AP1S1: variants seen among roughly 807,000 people sequenced by gnomAD.
AP1S1 encodes adaptor related protein complex 1 subunit sigma 1, also known as AP-1 complex subunit sigma-1A.
Under a neutral mutation model 23.9 loss-of-function variants are expected in AP1S1, and 13 were observed. That is an observed-to-expected ratio of 0.54 (90% CI 0.35 to 0.86). The LOEUF (loss-of-function observed/expected upper bound fraction) is 0.86, where lower values mean the gene tolerates loss of function less well. Among genes scored for constraint, AP1S1 ranks in the 40% least tolerant of loss-of-function variants. The probability of loss-of-function intolerance (pLI) is 0.01; values close to 1 mark genes in which losing one functional copy is unlikely to be tolerated. For synonymous variants in AP1S1, 84 were observed against 77.7 expected (o/e 1.08, Z -0.43); for missense variants, 119 against 197.6 (o/e 0.60, Z 2.38).
At chr7:101,157,570 C>A in intron 3 of AP1S1, 85 bp downstream of exon 3, 2 of 1,082,758 alleles carry the variant, frequency 1.8e-6, no homozygotes, top group Non-Finnish European at 2.8e-6. Flanking sequence ...CAGTCTCTGC[C>A]CTGGAAGTTT....
Position 101,160,530 on chromosome 7 carries a change from G to T in AP1S1, c.441G>T (p.Ser147=). The change falls in exon 5 of 5, where the codon TCG becomes TCT. Residue 147 remains serine, a synonymous_variant. Coordinates refer to ENST00000337619, the MANE Select transcript of AP1S1 (RefSeq NM_001283.5). ...TGTCTCTGCCTTAGGAGGATGAGTC[G>T]CCACGGAGTGTGCTGGAGGAGATGG... is the stretch of plus-strand genomic sequence containing the variant. ...QADLLQEEDE[S]PRSVLEEMGL... 6.2e-7 allele frequency: 1 copy of T among 1,611,920 alleles called. No individual in the cohort carries two copies. The highest frequency in any genetic ancestry group is 8.5e-7 in the Non-Finnish European group (1 of 1,179,860).
chr7:101,155,254 T>A (rs934597310), intron 1 of AP1S1, among the ~76,000 whole-genome samples: 2 of 152,136 alleles, frequency 1.3e-5, no homozygotes, highest in African/African-American at 4.8e-5. Flanking sequence ...GATTTTTCAC[T>A]TACTAAGCTA....
chr7:101,154,974 A>G, intron 1 of AP1S1: 1 of 1,015,566 alleles, frequency 9.8e-7, no homozygotes, highest in Non-Finnish European at 1.2e-6. Context: ...TCCGGGTCGG[A>G]AAAGGGAGCG....
chr7:101,156,151 G>C (rs768730324), intron 1 of AP1S1, among the ~76,000 whole-genome samples: 15 of 152,190 alleles, frequency 9.9e-5, no homozygotes, highest in Non-Finnish European at 5.9e-5. Flanking sequence ...AGAATCGCTG[G>C]AACTTGGGAG....
intron 3 of AP1S1, among the ~76,000 whole-genome samples, chr7:101,158,639 C>T (rs1797033948): frequency 6.6e-6 from 1 of 152,218 alleles, no homozygotes; most frequent in Admixed American, 6.5e-5. Flanking sequence ...CGGTGGCTCA[C>T]GCCTGTGATC....
chr7:101,160,778 A>C lies in AP1S1; in HGVS notation c.*212A>C, dbSNP rs1036653459. ...CCCCTTTTCCCACTGAAGGTTTTAG[A>C]AGCTAGGAGGCAGGAAAATGTGACC... On this transcript the variant is annotated 3_prime_UTR_variant, in exon 5 of 5. Transcript: ENST00000337619. The C allele has an allele frequency of 1.4e-6, 1 of 725,540 alleles. No homozygotes were observed. The highest frequency in any genetic ancestry group is 1.7e-5 in the African/African-American group (1 of 57,358). 44.9% of individuals were successfully genotyped at this position (725,540 alleles called of 1,614,324 possible). A position where few individuals can be genotyped will look rare whatever the true frequency, so the allele number is the denominator to read the frequency against.
intron 1 of AP1S1, chr7:101,154,734 C>T: frequency 2.2e-5 from 1 of 44,902 alleles, no homozygotes; most frequent in Non-Finnish European, 3.6e-5. Context: ...GCAGGGCGAG[C>T]GGGGGCTGAC....
chr7:101,160,564 T>C lies in AP1S1; in HGVS notation c.475T>C (p.Ter159GlnextTer95). 6.2e-7 allele frequency: 1 copy of C among 1,611,570 alleles called. No homozygotes were observed. Among genetic ancestry groups the C allele is most frequent in the Non-Finnish European group, 8.5e-7 (1 of 1,179,836 alleles). Residue 159 changes from the stop codon to glutamine, a stop_lost, in exon 5 of 5, where the codon TAG becomes CAG. Coordinates refer to ENST00000337619, the MANE Select transcript of AP1S1 (RefSeq NM_001283.5). Reference protein sequence around the residue: ...RSVLEEMGLA* With the variant: ...RSVLEEMGLAQ Reference sequence around the variant, plus strand: ...TGTGCTGGAGGAGATGGGTTTGGCATAGCCCCTGCTGGGCCGGGGTGTGGC... The same window carrying C: ...TGTGCTGGAGGAGATGGGTTTGGCACAGCCCCTGCTGGGCCGGGGTGTGGC...
At chr7:101,156,962 C>T (rs1797002401) in intron 2 of AP1S1, among the ~76,000 whole-genome samples, 190 bp downstream of exon 2, 1 of 148,080 alleles carries the variant, frequency 6.8e-6, no homozygotes, top group Admixed American at 6.8e-5. Flanking sequence ...TCTTGTTTAC[C>T]ACTTGGTTTT....
chr7:101,159,976 ACCCTGGCGCG>A (rs1411139639), intron 4 of AP1S1, among the ~76,000 whole-genome samples: 2 of 127,254 alleles, frequency 1.6e-5, no homozygotes, highest in African/African-American at 3.3e-5. Flanking sequence ...ACACACACAC[ACCCTGGCGCG>A]CACACACACA....
chr7:101,160,459 GC>G (rs774288509), intron 4 of AP1S1, 59 bp from the exon 5 acceptor site: 1 of 1,587,016 alleles, frequency 6.3e-7, no homozygotes, highest in Non-Finnish European at 8.6e-7. Flanking sequence ...CTGCTGTCTT[GC>G]CCACCCTGTC....
chr7:101,155,362 C>G (rs529767484), intron 1 of AP1S1, among the ~76,000 whole-genome samples: 9 of 152,296 alleles, frequency 5.9e-5, no homozygotes, highest in Non-Finnish European at 1.0e-4. Flanking sequence ...GGCCCAGACC[C>G]CCCGGAACTG....
Position 101,157,807 on chromosome 7 carries a change from A to G in AP1S1, c.291+322A>G, listed in dbSNP as rs549003311. 3.3e-5 allele frequency among the ~76,000 whole-genome samples: 5 copies of G among 152,164 alleles called. No individual in the cohort carries two copies. In the South Asian group the frequency reaches 6.2e-4, roughly 19 times the overall value. On this transcript the variant is annotated intron_variant, in intron 3 of 4. Coordinates refer to ENST00000337619, the MANE Select transcript of AP1S1 (RefSeq NM_001283.5). ...TTTTTTAGAGACACAGTCTCACCCTATCACCTGGAGGAATGCCGCCTATGG... is the reference window on the plus strand; with the variant it reads ...TTTTTTAGAGACACAGTCTCACCCTGTCACCTGGAGGAATGCCGCCTATGG...
At chr7:101,155,826 C>G (rs1796983564) in intron 1 of AP1S1, among the ~76,000 whole-genome samples, 1 of 152,170 alleles carries the variant, frequency 6.6e-6, no homozygotes, top group Non-Finnish European at 1.5e-5. Flanking sequence ...TGGAAGAGAA[C>G]AGGCATTTCT....
chr7:101,155,442 C>A (rs1796978070), intron 1 of AP1S1, among the ~76,000 whole-genome samples: 1 of 152,156 alleles, frequency 6.6e-6, no homozygotes, highest in Non-Finnish European at 1.5e-5. Flanking sequence ...GCTGTCTGTT[C>A]TGCAGACATT....
At chr7:101,158,641 C>G (rs1047207198) in intron 3 of AP1S1, among the ~76,000 whole-genome samples, 1 of 152,252 alleles carries the variant, frequency 6.6e-6, no homozygotes, top group African/African-American at 2.4e-5. Context: ...GTGGCTCACG[C>G]CTGTGATCCC....
intron 3 of AP1S1, among the ~76,000 whole-genome samples, chr7:101,158,134 T>C (rs73178553): frequency 0.24 from 37,233 of 152,090 alleles, 5,652 homozygotes; most frequent in African/African-American, 0.41. Context: ...TGGATTTGCA[T>C]TGGAGTTTTC....
At chr7:101,159,964 G>GCACACA (rs141729983) in intron 4 of AP1S1, among the ~76,000 whole-genome samples, 3 of 142,884 alleles carry the variant, frequency 2.1e-5, no homozygotes, top group African/African-American at 8.1e-5. Flanking sequence ...TCCCACACAC[G>GCACACA]CACACACACA....
At chr7:101,154,883 A>G (rs1291757934) in intron 1 of AP1S1, 5 of 954,982 alleles carry the variant, frequency 5.2e-6, no homozygotes, top group Non-Finnish European at 6.7e-6. Context: ...AGCGGGGGTC[A>G]CCAGTCACCG....
Sources: gnomAD v4.1 joint callset for allele counts (sites outside exome capture counted in the v4.1 genomes callset) on GRCh38, gnomAD v4.1.1 for gene constraint, MANE v1.5 for transcripts, NCBI Gene and HGNC (gene_info 2026-07-23, HGNC 2026-07-21) for gene names.